The following PEBP4 variants were observed in gnomAD, a reference collection of about 807,000 sequenced individuals.
PEBP4 encodes phosphatidylethanolamine-binding protein 4.
In PEBP4, 22 loss-of-function variants were observed where a neutral mutation model predicts 23.9. The ratio of observed to expected loss-of-function variants is 0.92; its 90% CI spans 0.66 to 1.31. The LOEUF (loss-of-function observed/expected upper bound fraction) is 1.31. Ranked by LOEUF, PEBP4 falls within the 40% of genes most tolerant of loss-of-function variation. PEBP4 has a pLI of 0.00. For synonymous variants in PEBP4, 112 were observed against 99.3 expected, an observed-to-expected ratio of 1.13 and a Z score of -0.76; for missense variants, 324 against 281.7, an observed-to-expected ratio of 1.15 and a Z score of -1.07.
chr8:22,870,186 C>T (rs1807980806), intron 3 of PEBP4, among the ~76,000 whole-genome samples: 1 of 152,164 alleles, frequency 6.6e-6, no homozygotes, highest in African/African-American at 2.4e-5. Flanking sequence ...AACTTGGAAG[C>T]AACCAAAATG....
chr8:22,810,669 G>GGTGT (rs60078589), intron 4 of PEBP4, among the ~76,000 whole-genome samples: 4,135 of 129,068 alleles, frequency 0.032, 68 homozygotes, highest in Non-Finnish European at 0.036. Flanking sequence ...CTCATGGAGG[G>GGTGT]GTGTGTGTGT....
intron 4 of PEBP4, among the ~76,000 whole-genome samples, chr8:22,785,927 T>C (rs142561387): frequency 6.6e-6 from 1 of 152,340 alleles, no homozygotes; most frequent in Non-Finnish European, 1.5e-5. Context: ...CTACCTTCTG[T>C]ACCCCTGGAT....
intron 3 of PEBP4, among the ~76,000 whole-genome samples, chr8:22,841,253 CTTCTGTG>C (rs1563233590): frequency 6.6e-6 from 1 of 152,282 alleles, no homozygotes; most frequent in African/African-American, 2.4e-5. Flanking sequence ...TAGCCACTCT[CTTCTGTG>C]GCCCTTTGAG....
intron 6 of PEBP4, among the ~76,000 whole-genome samples, chr8:22,719,435 C>T (rs949252929): frequency 6.6e-6 from 1 of 152,210 alleles, no homozygotes; most frequent in African/African-American, 2.4e-5. Flanking sequence ...GCACAGACCG[C>T]AGCTCCCCAG....
rs1806472842 is a variant in PEBP4 at position 22,805,324 on chromosome 8, G to A, written c.357+12313C>T. ...GTTCACGGATTGTTAGCAATCGCGT[G>A]TTTTGTTTTGTTTTGTTTTGAGACC... On this transcript the variant is annotated intron_variant, in intron 4 of 6. Coordinates refer to ENST00000256404, the MANE Select transcript of PEBP4 (RefSeq NM_144962.3). 2.0e-5 allele frequency among the ~76,000 whole-genome samples: 3 copies of A among 151,800 alleles called. No individual in the cohort carries two copies. The South Asian group carries it at 6.2e-4, about 31-fold the overall frequency.
intron 4 of PEBP4, among the ~76,000 whole-genome samples, chr8:22,748,842 G>A (rs541565584): frequency 2.6e-5 from 4 of 152,260 alleles, no homozygotes; most frequent in Admixed American, 6.5e-5. Context: ...AGGCCTCCAC[G>A]AGTCCTGGAT....
intron 3 of PEBP4, among the ~76,000 whole-genome samples, chr8:22,858,282 G>T (rs1585309890): frequency 1.3e-5 from 2 of 152,208 alleles, no homozygotes; most frequent in East Asian, 3.9e-4. Flanking sequence ...GGCATCTGAG[G>T]AGTGTAGCTG....
chr8:22,746,586 CCCCTCCCCTCCTTTGTTCCG>C (rs1201091518), intron 4 of PEBP4, among the ~76,000 whole-genome samples: 1 of 151,910 alleles, frequency 6.6e-6, no homozygotes, highest in Non-Finnish European at 1.5e-5. Context: ...CCCGCCTCTC[CCCCTCCCCTCCTTTGTTCCG>C]CCCTCTCCTC....
At chr8:22,832,449 G>A (rs962909441) in intron 3 of PEBP4, among the ~76,000 whole-genome samples, 1 of 152,154 alleles carries the variant, frequency 6.6e-6, no homozygotes, top group Non-Finnish European at 1.5e-5. Flanking sequence ...CATTGGTCTT[G>A]GACTTCCCAG....
In PEBP4 at chr8:22,938,913, C is replaced by A. The variant is rs188560187; in HGVS notation, c.145-11193G>T. Among the ~76,000 whole-genome samples the A allele has an allele frequency of 1.2e-4, 18 of 152,230 alleles. No homozygotes were observed. In the East Asian group the frequency reaches 3.3e-3, roughly 28 times the overall value. On this transcript the variant is annotated intron_variant, in intron 1 of 1. Transcript: ENST00000522278. Reference sequence around the variant, plus strand: ...TAAATAAGCACGCACATATAAAAACCGTATGCTGTAAAGGAACTATTCTGA... The same window carrying A: ...TAAATAAGCACGCACATATAAAAACAGTATGCTGTAAAGGAACTATTCTGA...
chr8:22,891,890 G>T (rs369393070), intron 3 of PEBP4, among the ~76,000 whole-genome samples: 1 of 152,204 alleles, frequency 6.6e-6, no homozygotes, highest in South Asian at 2.1e-4. Context: ...TGGCTGACAC[G>T]GTGAAACCCC....
At chr8:22,924,928 T>C (rs1809292030) in intron 2 of PEBP4, 3 of 985,376 alleles carry the variant, frequency 3.0e-6, no homozygotes, top group African/African-American at 3.5e-5. Context: ...CCCTTATAGA[T>C]TAATACCTTT....
At chr8:22,933,667 C>T (rs1309265794) in intron 1 of PEBP4, among the ~76,000 whole-genome samples, 2 of 152,178 alleles carry the variant, frequency 1.3e-5, no homozygotes, top group African/African-American at 2.4e-5. Flanking sequence ...GCAAGAAATG[C>T]TGAAAGTAGA....
At position 22,888,760 on chromosome 8, in the gene PEBP4, C is replaced by T. The variant is rs547509232; in HGVS notation, c.258+31424G>A. Among the ~76,000 whole-genome samples the T allele has an allele frequency of 2.6e-5, 4 of 152,380 alleles. No individual in the cohort carries two copies. In the East Asian group the frequency reaches 7.7e-4, roughly 29 times the overall value. On this transcript the variant is annotated intron_variant, in intron 3 of 6. Transcript: ENST00000256404. ...GTGTTCTGGGCCTCTGCCACCAGGC[C>T]CTTGTGCCCAGCTGACTGGTTCCTC...
intron 3 of PEBP4, among the ~76,000 whole-genome samples, chr8:22,861,816 A>C (rs1425043818): frequency 6.6e-6 from 1 of 152,164 alleles, no homozygotes; most frequent in Non-Finnish European, 1.5e-5. Flanking sequence ...TGGACAGGAG[A>C]AAATGAAAAG....
intron 2 of PEBP4, among the ~76,000 whole-genome samples, chr8:22,923,003 C>A (rs1259442048): frequency 6.6e-6 from 1 of 152,200 alleles, no homozygotes; most frequent in African/African-American, 2.4e-5. Context: ...GGGGACATCA[C>A]ATATGTATGA....
At chr8:22,813,222 T>C (rs1050671885) in intron 4 of PEBP4, among the ~76,000 whole-genome samples, 11 of 152,232 alleles carry the variant, frequency 7.2e-5, no homozygotes, top group African/African-American at 2.7e-4. Context: ...ATTGGTTGCA[T>C]TTACAGTTGC....
chr8:22,869,534 A>T (rs1475457602), intron 3 of PEBP4, among the ~76,000 whole-genome samples: 1 of 152,162 alleles, frequency 6.6e-6, no homozygotes, highest in East Asian at 1.9e-4. Flanking sequence ...ATGCTCCCCC[A>T]TAGCTGCTCT....
intron 4 of PEBP4, among the ~76,000 whole-genome samples, chr8:22,817,366 A>G (rs1806765722): frequency 6.6e-6 from 1 of 152,230 alleles, no homozygotes; most frequent in South Asian, 2.1e-4. Flanking sequence ...TGGTGGGAGT[A>G]TTTATTTATA....
Sources: gnomAD v4.1 joint callset for allele counts (sites outside exome capture counted in the v4.1 genomes callset) on GRCh38, gnomAD v4.1.1 for gene constraint, MANE v1.5 for transcripts, NCBI Gene and HGNC (gene_info 2026-07-23, HGNC 2026-07-21) for gene names.